Variants in MARCHF1 observed in about 807,000 individuals in gnomAD.
MARCHF1 encodes the protein E3 ubiquitin-protein ligase MARCHF1.
In MARCHF1, 40 loss-of-function variants were observed where a neutral mutation model predicts 54.2. The ratio of observed to expected loss-of-function variants is 0.74; its 90% CI spans 0.57 to 0.96. The LOEUF (loss-of-function observed/expected upper bound fraction) is 0.96. Ranked by LOEUF, MARCHF1 falls within the 40% of genes least tolerant of loss-of-function variation. MARCHF1 has a pLI of 0.00. For missense variants in MARCHF1, 586 were observed against 656.5 expected (o/e 0.89, Z 1.17); for synonymous variants, 236 against 236.3 (o/e 1.00, Z 0.01).
chr4:163,670,553 C>A (rs185301675), intron 5 of MARCHF1, among the ~76,000 whole-genome samples: 63 of 151,028 alleles, frequency 4.2e-4, no homozygotes, highest in Admixed American at 1.1e-3. Flanking sequence ...CTGTTTTTTT[C>A]TTTCTTGCTT....
At chr4:164,373,196 C>A (rs1189959376) in intron 1 of MARCHF1, among the ~76,000 whole-genome samples, 1 of 152,030 alleles carries the variant, frequency 6.6e-6, no homozygotes, top group East Asian at 1.9e-4. Context: ...CTAACACTAA[C>A]GTTAAGCAAT....
At chr4:164,049,215 G>C (rs1754303919) in intron 2 of MARCHF1, among the ~76,000 whole-genome samples, 1 of 152,154 alleles carries the variant, frequency 6.6e-6, no homozygotes, top group Non-Finnish European at 1.5e-5. Context: ...AGGTGAGAGA[G>C]AGACAGCAAG....
intron 1 of MARCHF1, among the ~76,000 whole-genome samples, chr4:164,255,105 A>C (rs1733241075): frequency 6.6e-6 from 1 of 152,162 alleles, no homozygotes; most frequent in Admixed American, 6.6e-5. Flanking sequence ...AAACTGGTGA[A>C]ATCTGTAGCC....
chr4:164,034,718 CAA>C (rs774575834), intron 2 of MARCHF1, among the ~76,000 whole-genome samples: 4 of 151,882 alleles, frequency 2.6e-5, no homozygotes, highest in Non-Finnish European at 5.9e-5. Flanking sequence ...TCATGTAATA[CAA>C]AAAACCTTAT....
intron 2 of MARCHF1, among the ~76,000 whole-genome samples, chr4:163,996,809 T>C (rs959979572): frequency 1.3e-5 from 2 of 152,142 alleles, no homozygotes; most frequent in African/African-American, 2.4e-5. Flanking sequence ...GAGAACACCA[T>C]GTGAAGACTG....
chr4:163,756,631 C>CAAAAAAAAAAAAAAAAAAAAAAA (rs67382228), intron 4 of MARCHF1, among the ~76,000 whole-genome samples: 1 of 67,582 alleles, frequency 1.5e-5, no homozygotes, highest in Non-Finnish European at 2.4e-5. Flanking sequence ...GACTCTGTCT[C>CAAAAAAAAAAAAAAAAAAAAAAA]AAAAAAAAAA....
At chr4:164,162,847 C>T (rs1221222939) in intron 1 of MARCHF1, among the ~76,000 whole-genome samples, 1 of 151,834 alleles carries the variant, frequency 6.6e-6, no homozygotes, top group Non-Finnish European at 1.5e-5. Flanking sequence ...AAGAGCAGGA[C>T]GTATATGAAA....
chr4:163,582,491 G>T (rs979198098), intron 8 of MARCHF1, among the ~76,000 whole-genome samples: 5 of 152,088 alleles, frequency 3.3e-5, no homozygotes, highest in Admixed American at 6.6e-5. Flanking sequence ...TAACCATTAA[G>T]CCCCAAGGTT....
chr4:163,953,841 C>T (rs565697110), intron 3 of MARCHF1, among the ~76,000 whole-genome samples: 13 of 152,196 alleles, frequency 8.5e-5, no homozygotes, highest in Non-Finnish European at 8.8e-5. Context: ...TATGTATTGG[C>T]TTTGGCTGCA....
At chr4:164,140,474 C>A (rs548571703) in intron 1 of MARCHF1, among the ~76,000 whole-genome samples, 1 of 152,058 alleles carries the variant, frequency 6.6e-6, no homozygotes, top group South Asian at 2.1e-4. Context: ...AGACCCCTCA[C>A]CCACAGATTA....
At chr4:164,291,089 G>A (rs763834820) in intron 1 of MARCHF1, among the ~76,000 whole-genome samples, 1 of 151,800 alleles carries the variant, frequency 6.6e-6, no homozygotes, top group Admixed American at 6.6e-5. Flanking sequence ...CAGAGACTAC[G>A]ATTAAAGGTC....
chr4:164,106,885 C>G, intron 2 of MARCHF1, among the ~76,000 whole-genome samples: 1 of 151,888 alleles, frequency 6.6e-6, no homozygotes, highest in East Asian at 1.9e-4. Context: ...CACTTTGGTT[C>G]CTGGAGTAAT....
intron 2 of MARCHF1, among the ~76,000 whole-genome samples, chr4:164,003,890 T>A (rs890323328): frequency 1.3e-5 from 2 of 152,072 alleles, no homozygotes; most frequent in African/African-American, 4.8e-5. Context: ...TCAACCCAAA[T>A]GCCCCACAAT....
At chr4:164,189,062 C>A in intron 1 of MARCHF1, 1 of 687,708 alleles carries the variant, frequency 1.5e-6, no homozygotes. Flanking sequence ...GGTGGCAGAA[C>A]CTTCAATGCG....
At chr4:163,748,706 G>A (rs1323585853) in intron 4 of MARCHF1, among the ~76,000 whole-genome samples, 1 of 152,202 alleles carries the variant, frequency 6.6e-6, no homozygotes, top group East Asian at 1.9e-4. Context: ...AAGCCTATGT[G>A]AGCAGTGTGG....
intron 4 of MARCHF1, among the ~76,000 whole-genome samples, chr4:163,729,705 C>T (rs1021549202): frequency 1.2e-4 from 18 of 151,644 alleles, no homozygotes; most frequent in Non-Finnish European, 2.5e-4. Flanking sequence ...ACTGATGTCC[C>T]CTCTTTCATC....
chr4:164,223,495 T>C (rs1007305207), intron 1 of MARCHF1, among the ~76,000 whole-genome samples: 4 of 152,002 alleles, frequency 2.6e-5, no homozygotes, highest in African/African-American at 9.7e-5. Context: ...AAAATATTGA[T>C]TGCCTTCATT....
chr4:164,189,452 T>A (rs1033962949), intron 1 of MARCHF1: 1 of 703,560 alleles, frequency 1.4e-6, no homozygotes, highest in South Asian at 1.6e-5. Flanking sequence ...ATTGATGATG[T>A]TGTTCTTGGT....
intron 1 of MARCHF1, among the ~76,000 whole-genome samples, chr4:164,348,902 T>C (rs529509044): frequency 6.6e-6 from 1 of 152,318 alleles, no homozygotes; most frequent in East Asian, 1.9e-4. Flanking sequence ...ATAAGCTCCC[T>C]GATTTAGAGT....
Sources: gnomAD v4.1 joint callset for allele counts (sites outside exome capture counted in the v4.1 genomes callset) on GRCh38, gnomAD v4.1.1 for gene constraint, MANE v1.5 for transcripts, NCBI Gene and HGNC (gene_info 2026-07-23, HGNC 2026-07-21) for gene names.